BIRC6: variants seen among roughly 807,000 people sequenced by gnomAD.
BIRC6 encodes baculoviral IAP repeat containing 6.
Under a neutral mutation model 503.3 loss-of-function variants are expected in BIRC6, and 98 were observed. The ratio of observed to expected loss-of-function variants is 0.19; its 90% confidence interval spans 0.17 to 0.23. The LOEUF is 0.23. BIRC6 is among the 10% of genes least tolerant of loss of function. BIRC6 has a pLI of 1.00. For missense variants in BIRC6, 5,360 were observed against 5,806.0 expected, an observed-to-expected ratio of 0.92 and a Z score of 2.50; for synonymous variants, 2,240 against 2,078.7, an observed-to-expected ratio of 1.08 and a Z score of -2.11.
intron 66 of BIRC6, among the ~76,000 whole-genome samples, chr2:32,585,241 G>A (rs2060949006): frequency 1.3e-5 from 2 of 152,144 alleles, no homozygotes; most frequent in African/African-American, 2.4e-5. Flanking sequence ...ATTCCATACC[G>A]ATTGTGAGGA....
At chr2:32,487,824 G>A (rs1168642736) in intron 41 of BIRC6, 23 bp downstream of exon 41, 14 of 1,579,022 alleles carry the variant, frequency 8.9e-6, no homozygotes, top group Non-Finnish European at 5.2e-6. Context: ...GAGAAATGGT[G>A]TATTTTTACA....
intron 1 of BIRC6, among the ~76,000 whole-genome samples, chr2:32,365,477 G>A (rs886485643): frequency 1.3e-5 from 2 of 151,810 alleles, no homozygotes; most frequent in African/African-American, 2.4e-5. Flanking sequence ...GCGCCTGCAC[G>A]CCCAGCTAAT....
rs754391612 is a variant in BIRC6, at chr2:32,490,057, T to C, written c.8112T>C (p.Phe2704=). The change falls in exon 43 of 74, where the codon TTT becomes TTC. Residue 2704 remains phenylalanine (F), a synonymous_variant. Coordinates refer to ENST00000421745, the MANE Select transcript of BIRC6 (RefSeq NM_016252.4). ...TCTGCATAGCATCAATAACTAGCTT[T>C]CTCACAGTGTTAGCTTGGTATCCCA... ...ISLNQASITS[F]LTVLAWYPNT... 2 of 1,611,114 alleles carry C rather than the reference T, an allele frequency of 1.2e-6. No individual in the cohort carries two copies. The highest frequency in any genetic ancestry group is 1.7e-6 in the Non-Finnish European group (2 of 1,177,494).
intron 34 of BIRC6, 51 bp downstream of exon 34, chr2:32,476,395 T>C (rs1229842044): frequency 2.7e-6 from 4 of 1,504,906 alleles, no homozygotes; most frequent in Middle Eastern, 1.7e-4. Flanking sequence ...CAAGGAGTTA[T>C]GATCTTTAAT....
chr2:32,379,593 C>G (rs1237250742), intron 2 of BIRC6: 1 of 152,022 alleles, frequency 6.6e-6, no homozygotes, highest in South Asian at 2.1e-4. Context: ...TCCAGGCTTC[C>G]TTTACTGCAT....
At chr2:32,454,568 A>G (rs1178333974) in intron 23 of BIRC6, among the ~76,000 whole-genome samples, 1 of 151,622 alleles carries the variant, frequency 6.6e-6, no homozygotes, top group African/African-American at 2.4e-5. Flanking sequence ...TTCAGTTAAG[A>G]TTGGTTTATG....
intron 65 of BIRC6, among the ~76,000 whole-genome samples, chr2:32,553,673 C>G (rs986512769): frequency 3.9e-5 from 6 of 151,904 alleles, no homozygotes; most frequent in African/African-American, 1.5e-4. Context: ...TACAGACAGG[C>G]ATGAGCCACA....
At chr2:32,558,390 CTT>C (rs2058932895) in intron 65 of BIRC6, among the ~76,000 whole-genome samples, 2 of 152,176 alleles carry the variant, frequency 1.3e-5, no homozygotes, top group South Asian at 4.1e-4. Context: ...TAAAGCAACT[CTT>C]TTGGGGAGCA....
At position 32,415,661 on chromosome 2, in the gene BIRC6, A is replaced by G; in HGVS notation, c.2370A>G (p.Val790=). 1.2e-6 allele frequency: 2 copies of G among 1,613,972 alleles called. 1 individual carries two copies. Among genetic ancestry groups the G allele is most frequent in the South Asian group, 2.2e-5 (2 of 91,086 alleles). Residue 790 remains valine (V), a synonymous_variant, in exon 10 of 74, where the codon GTA becomes GTG. Coordinates refer to ENST00000421745, the MANE Select transcript of BIRC6 (RefSeq NM_016252.4). The part of the protein sequence containing the change: ...RKGELESNLA[V]VNGANISVIQ... ...GTGAGCTGGAATCAAATCTTGCTGT[A>G]GTGAATGGTGCAAATATTAGTGTAA... is the stretch of plus-strand genomic sequence containing the variant.
Position 32,611,539 on chromosome 2 carries a change from A to G in BIRC6, c.14351A>G (p.Lys4784Arg). The change falls in exon 73 of 74, where the codon AAG becomes AGG. Residue 4784 changes from lysine (K) to arginine (R), a missense_variant. Lys to Arg is a conservative substitution (Grantham distance 26, BLOSUM62 2). Transcript: ENST00000421745. ...IADIQQYSSDKRVGRTMSHHA... is the reference protein window; with the variant it reads ...IADIQQYSSDRRVGRTMSHHA... ...GATATCCAGCAGTACAGCAGTGATA[A>G]GCGGGTAGGCAGGACTATGTCTCAC... 1 of 1,604,284 alleles carries G rather than the reference A, an allele frequency of 6.2e-7. No homozygotes were observed. The highest frequency in any genetic ancestry group is 8.5e-7 in the Non-Finnish European group (1 of 1,174,112).
chr2:32,463,909 G>A (rs1477242641), intron 24 of BIRC6, among the ~76,000 whole-genome samples: 2 of 152,192 alleles, frequency 1.3e-5, no homozygotes, highest in Non-Finnish European at 2.9e-5. Context: ...TCTCCTTTTA[G>A]ATCAGCAGGG....
intron 51 of BIRC6, 38 bp from the exon 52 acceptor site, chr2:32,509,700 G>A (rs1421575430): frequency 1.2e-6 from 2 of 1,611,000 alleles, no homozygotes; most frequent in Non-Finnish European, 1.7e-6. Context: ...TGATTTGAGC[G>A]ACTTATATTG....
intron 22 of BIRC6, among the ~76,000 whole-genome samples, chr2:32,452,610 A>G (rs1196905641): frequency 2.0e-5 from 3 of 152,124 alleles, no homozygotes; most frequent in African/African-American, 4.8e-5. Flanking sequence ...TGCCACTTCA[A>G]GGGAGCAAAT....
At chr2:32,361,940 G>A (rs1416595744) in intron 1 of BIRC6, among the ~76,000 whole-genome samples, 1 of 152,152 alleles carries the variant, frequency 6.6e-6, no homozygotes, top group Non-Finnish European at 1.5e-5. Context: ...ACATACCGGA[G>A]GACATCTTGC....
intron 15 of BIRC6, among the ~76,000 whole-genome samples, chr2:32,436,839 CA>C (rs1317617258): frequency 1.0e-4 from 1 of 9,524 alleles, no homozygotes; most frequent in Non-Finnish European, 2.4e-4. Context: ...GTTGGGATTA[CA>C]GGCGTCAGCA....
At position 32,491,545 on chromosome 2, in the gene BIRC6, A is replaced by G; in HGVS notation, c.8327A>G (p.Gln2776Arg). ...GGCACCAGTCCACATGGAACAAATC[A>G]ACACAGTCCACAGGTAATATGATGT... ...LSGTSPHGTN[Q>R]HSPQVGPTAT... Residue 2776 changes from glutamine (Q) to arginine (R), a missense_variant, in exon 44 of 74, where the codon CAA becomes CGA. Gln to Arg is a conservative substitution (Grantham distance 43, BLOSUM62 1). Around this residue, in one of 16 missense-constraint regions of BIRC6, gnomAD observed 2,299 missense variants for 2,267.2 expected, o/e 1.01. Transcript: ENST00000421745. 6.2e-7 allele frequency: 1 copy of G among 1,613,424 alleles called. No homozygotes were observed. The highest frequency in any genetic ancestry group is 8.5e-7 in the Non-Finnish European group (1 of 1,179,622).
Position 32,479,495 on chromosome 2 carries a change from T to G in BIRC6, c.7286T>G (p.Met2429Arg). The change falls in exon 37 of 74, where the codon ATG becomes AGG. Residue 2429 changes from methionine to arginine, a missense_variant. Physicochemically the swap from Met to Arg is moderately conservative, Grantham distance 91 (BLOSUM62 -1). Coordinates refer to ENST00000421745, the MANE Select transcript of BIRC6 (RefSeq NM_016252.4). ...CTGGCTCCAGTAGCCGCAGAAGCCATGGAGGAAGGAACAGTGGGTGATGAT... is the reference window on the plus strand; with the variant it reads ...CTGGCTCCAGTAGCCGCAGAAGCCAGGGAGGAAGGAACAGTGGGTGATGAT... ...ELLAPVAAEA[M>R]EEGTVGDDVG... The G allele has an allele frequency of 6.2e-7, 1 of 1,604,550 alleles. No individual in the cohort carries two copies. The highest frequency in any genetic ancestry group is 1.1e-5 in the South Asian group (1 of 89,188).
intron 37 of BIRC6, among the ~76,000 whole-genome samples, chr2:32,480,906 C>T (rs1410299536): frequency 1.3e-5 from 2 of 152,058 alleles, no homozygotes; most frequent in African/African-American, 4.8e-5. Context: ...TCCCAAAGTG[C>T]TGGGATTACA....
At chr2:32,546,167 A>G (rs984975466) in intron 63 of BIRC6, among the ~76,000 whole-genome samples, 3 of 152,180 alleles carry the variant, frequency 2.0e-5, no homozygotes, top group Non-Finnish European at 4.4e-5. Flanking sequence ...ACTTTTAAGA[A>G]TAATACTATA....
Sources: gnomAD v4.1 joint callset for allele counts (sites outside exome capture counted in the v4.1 genomes callset) on GRCh38, gnomAD v4.1.1 for gene constraint, gnomAD v4.1.1 regional missense constraint, MANE v1.5 for transcripts, NCBI Gene and HGNC (gene_info 2026-07-23, HGNC 2026-07-21) for gene names.